RBFOX1: variants seen among roughly 807,000 people sequenced by gnomAD.
RBFOX1 encodes the protein RNA binding fox-1 homolog 1, also known as RNA binding protein fox-1 homolog 1.
RBFOX1 carries 8 observed loss-of-function variants against 57.7 expected under a neutral mutation model. The ratio of observed to expected loss-of-function variants is 0.14; its 90% CI spans 0.08 to 0.25. RBFOX1 has a LOEUF of 0.25. RBFOX1 is among the 10% of genes least tolerant of loss of function. RBFOX1 has a pLI of 1.00. For missense variants in RBFOX1, 611 were observed against 548.5 expected (o/e 1.11, Z -1.14); for synonymous variants, 326 against 222.4 (o/e 1.47, Z -4.15).
chr16:6,864,923 G>T (rs1010818534), intron 3 of RBFOX1, among the ~76,000 whole-genome samples: 24 of 149,120 alleles, frequency 1.6e-4, no homozygotes, highest in African/African-American at 4.7e-4. Flanking sequence ...CTGATAAATC[G>T]AAAACACAAA....
At chr16:6,179,079 A>T (rs913986603) in intron 1 of RBFOX1, among the ~76,000 whole-genome samples, 1 of 152,218 alleles carries the variant, frequency 6.6e-6, no homozygotes, top group African/African-American at 2.4e-5. Context: ...TACTGGAAGA[A>T]CAGCTGTCTT....
rs1441716601 is a variant in RBFOX1, at chr16:6,021,418, G to A, written c.-127+1426G>A. ...TTAAGTGACCACAGAGGCCCCGGCT[G>A]GAGCTACTGGCAGATTTATTTTTAG... On this transcript the variant is annotated intron_variant, in intron 1 of 15. Transcript: ENST00000550418. 2.6e-5 allele frequency among the ~76,000 whole-genome samples: 4 copies of A among 152,148 alleles called. No homozygotes were observed. In the East Asian group the frequency reaches 5.8e-4, roughly 22 times the overall value.
intron 3 of RBFOX1, among the ~76,000 whole-genome samples, chr16:6,786,082 A>T (rs757899306): frequency 7.2e-5 from 11 of 152,218 alleles, no homozygotes; most frequent in Non-Finnish European, 8.8e-5. Context: ...AAGCCTGTTC[A>T]GGGCCTGGAG....
At chr16:7,205,560 A>C (rs1038278191) in intron 4 of RBFOX1, among the ~76,000 whole-genome samples, 29 of 152,120 alleles carry the variant, frequency 1.9e-4, no homozygotes, top group Non-Finnish European at 4.3e-4. Context: ...TTACGGAAAT[A>C]AACATGAACC....
chr16:6,397,523 T>C (rs914316009), intron 2 of RBFOX1, among the ~76,000 whole-genome samples: 2 of 151,998 alleles, frequency 1.3e-5, no homozygotes, highest in Admixed American at 6.5e-5. Flanking sequence ...ATTAGTCCTG[T>C]ACTATAAGAA....
At chr16:5,916,267 C>T (rs938070829) in intron 4 of RBFOX1, among the ~76,000 whole-genome samples, 1 of 152,174 alleles carries the variant, frequency 6.6e-6, no homozygotes, top group Non-Finnish European at 1.5e-5. Context: ...TCCATAACAG[C>T]TCTAATTCTC....
intron 1 of RBFOX1, among the ~76,000 whole-genome samples, chr16:5,413,528 C>T (rs115067859): frequency 3.9e-5 from 6 of 152,324 alleles, no homozygotes; most frequent in African/African-American, 1.4e-4. Context: ...GATCATATAT[C>T]AGGGAGCTGT....
intron 4 of RBFOX1, among the ~76,000 whole-genome samples, chr16:7,065,663 A>T (rs1187792275): frequency 6.6e-6 from 1 of 152,218 alleles, no homozygotes; most frequent in Admixed American, 6.5e-5. Context: ...GGGTAAGAAT[A>T]CTTAAAATTT....
chr16:7,564,507 C>G (rs2091212055), intron 5 of RBFOX1, among the ~76,000 whole-genome samples: 1 of 141,850 alleles, frequency 7.0e-6, no homozygotes, highest in South Asian at 2.2e-4. Flanking sequence ...CACCTCTGCA[C>G]TCCAGCCTGG....
chr16:7,703,323 G>A (rs1414383620), intron 14 of RBFOX1, among the ~76,000 whole-genome samples: 1 of 152,094 alleles, frequency 6.6e-6, no homozygotes, highest in Non-Finnish European at 1.5e-5. Flanking sequence ...GTGTTGGGAG[G>A]GGTACAAGCC....
chr16:6,708,990 T>C (rs111625144), intron 3 of RBFOX1, among the ~76,000 whole-genome samples: 1 of 151,892 alleles, frequency 6.6e-6, no homozygotes, highest in Non-Finnish European at 1.5e-5. Flanking sequence ...CTTTTTTTTT[T>C]AATCATTTTT....
At chr16:5,282,185 C>T (rs1055972269) in intron 1 of RBFOX1, among the ~76,000 whole-genome samples, 1 of 152,150 alleles carries the variant, frequency 6.6e-6, no homozygotes, top group African/African-American at 2.4e-5. Context: ...TGCCTGCTGC[C>T]ATCCCTGTAA....
intron 3 of RBFOX1, among the ~76,000 whole-genome samples, chr16:6,860,209 A>G (rs11640581): frequency 0.25 from 38,243 of 152,106 alleles, 5,263 homozygotes; most frequent in Admixed American, 0.38. Flanking sequence ...TCATTCAACA[A>G]TATATATTGA....
intron 2 of RBFOX1, among the ~76,000 whole-genome samples, chr16:6,494,008 T>A (rs923048065): frequency 2.0e-5 from 3 of 152,228 alleles, no homozygotes; most frequent in Non-Finnish European, 4.4e-5. Flanking sequence ...ATCATTCCAG[T>A]GTATTGAAAA....
At chr16:6,791,326 T>G (rs1048498848) in intron 3 of RBFOX1, among the ~76,000 whole-genome samples, 2 of 152,238 alleles carry the variant, frequency 1.3e-5, no homozygotes, top group African/African-American at 4.8e-5. Flanking sequence ...GATTAGTTAT[T>G]GATTATTCAT....
At chr16:6,830,701 A>T (rs1029598006) in intron 3 of RBFOX1, among the ~76,000 whole-genome samples, 2 of 152,186 alleles carry the variant, frequency 1.3e-5, no homozygotes, top group African/African-American at 4.8e-5. Context: ...TTGGTTAAGA[A>T]ACGTTGCTCT....
chr16:5,810,400 G>T (rs1326513597), intron 3 of RBFOX1, among the ~76,000 whole-genome samples: 1 of 152,174 alleles, frequency 6.6e-6, no homozygotes, highest in Non-Finnish European at 1.5e-5. Context: ...AACCAATCTT[G>T]CTGACACCTG....
At chr16:7,016,225 C>A (rs1316056149) in intron 3 of RBFOX1, among the ~76,000 whole-genome samples, 1 of 152,008 alleles carries the variant, frequency 6.6e-6, no homozygotes, top group East Asian at 1.9e-4. Context: ...AACATGTATC[C>A]CCAAGTAATT....
intron 4 of RBFOX1, among the ~76,000 whole-genome samples, chr16:7,176,709 CAATG>C (rs1224782201): frequency 3.9e-5 from 6 of 152,046 alleles, no homozygotes; most frequent in Admixed American, 1.3e-4. Flanking sequence ...GAGAATGAAA[CAATG>C]AACACAATAA....
Sources: allele counts gnomAD v4.1 joint callset (sites outside exome capture counted in the v4.1 genomes callset), GRCh38; gene constraint gnomAD v4.1.1; transcripts MANE v1.5; gene names NCBI Gene and HGNC (gene_info 2026-07-23, HGNC 2026-07-21).